Variants in ABTB3 observed in about 807,000 individuals in gnomAD.
ABTB3 encodes the protein ankyrin repeat and BTB domain containing 3, also known as ankyrin repeat- and BTB/POZ domain-containing protein 3.
At chr12:107,643,407 A>T in the ABTB3 span, among the ~76,000 whole-genome samples, 2 of 55,942 alleles carry the variant, frequency 3.6e-5, no homozygotes, top group Non-Finnish European at 8.6e-5. Context: ...TATCTCAAAA[A>T]AAAAAAAAAA....
chr12:107,349,812 A>T, the ABTB3 span, among the ~76,000 whole-genome samples: 1 of 152,240 alleles, frequency 6.6e-6, no homozygotes, highest in Non-Finnish European at 1.5e-5. Context: ...GGATTAATTT[A>T]AAAAATGCCT....
chr12:107,515,268 T>A, the ABTB3 span, among the ~76,000 whole-genome samples: 137 of 152,296 alleles, frequency 9.0e-4, 1 homozygote, highest in African/African-American at 3.1e-3. Flanking sequence ...TCTGGGTTGT[T>A]GACTTGCTGC....
chr12:107,618,291 A>G, the ABTB3 span: 1 of 1,613,874 alleles, frequency 6.2e-7, no homozygotes, highest in African/African-American at 1.3e-5. Flanking sequence ...CCGCAACAGC[A>G]AGGCCAAACT....
chr12:107,632,986 C>CT, the ABTB3 span, among the ~76,000 whole-genome samples: 1 of 152,238 alleles, frequency 6.6e-6, no homozygotes, highest in African/African-American at 2.4e-5. Flanking sequence ...GTTCTCCCCC[C>CT]TCCCGTCTGA....
chr12:107,650,303 C>T, the ABTB3 span: 1 of 152,196 alleles, frequency 6.6e-6, no homozygotes, highest in Non-Finnish European at 1.5e-5. Flanking sequence ...TGCTAAGGTG[C>T]TTAGAACAGT....
the ABTB3 span, among the ~76,000 whole-genome samples, chr12:107,639,268 G>A: frequency 6.6e-6 from 1 of 152,226 alleles, no homozygotes; most frequent in African/African-American, 2.4e-5. Flanking sequence ...GTGGAGCCCA[G>A]TCACAAGTGG....
the ABTB3 span, among the ~76,000 whole-genome samples, chr12:107,545,960 G>A: frequency 1.2e-4 from 18 of 152,122 alleles, no homozygotes; most frequent in Non-Finnish European, 1.5e-5. Context: ...AGCTAGACAC[G>A]GCCTCCTCTG....
the ABTB3 span, among the ~76,000 whole-genome samples, chr12:107,323,591 A>G: frequency 1.3e-5 from 2 of 152,152 alleles, no homozygotes; most frequent in African/African-American, 4.8e-5. Flanking sequence ...GGAGTTTTAA[A>G]AATTTGACTT....
At chr12:107,414,879 G>A in the ABTB3 span, among the ~76,000 whole-genome samples, 3,430 of 151,860 alleles carry the variant, frequency 0.023, 139 homozygotes, top group African/African-American at 0.077. Flanking sequence ...CACCATGCCT[G>A]ATTTTTGTAT....
the ABTB3 span, among the ~76,000 whole-genome samples, chr12:107,394,627 T>C: frequency 6.6e-6 from 1 of 152,254 alleles, no homozygotes; most frequent in Non-Finnish European, 1.5e-5. Flanking sequence ...TAACAGTTAC[T>C]AGCTGTGTTA....
the ABTB3 span, among the ~76,000 whole-genome samples, chr12:107,637,562 A>C: frequency 6.6e-6 from 1 of 152,226 alleles, no homozygotes; most frequent in African/African-American, 2.4e-5. Context: ...TACAGCAGGT[A>C]CATTTTGTGT....
chr12:107,456,162 C>G, the ABTB3 span, among the ~76,000 whole-genome samples: 3 of 152,232 alleles, frequency 2.0e-5, no homozygotes, highest in Non-Finnish European at 4.4e-5. Context: ...TTAATCCTGA[C>G]AGCTTACCCG....
At chr12:107,476,812 AGTGTGTGTGT>A in the ABTB3 span, among the ~76,000 whole-genome samples, 1 of 148,618 alleles carries the variant, frequency 6.7e-6, no homozygotes, top group East Asian at 2.0e-4. Flanking sequence ...GAATGCATGA[AGTGTGTGTGT>A]GTGTGTGTGT....
chr12:107,462,475 G>T, the ABTB3 span, among the ~76,000 whole-genome samples: 1 of 152,206 alleles, frequency 6.6e-6, no homozygotes. Context: ...AATGGTGATG[G>T]TGATGATGGT....
At chr12:107,477,848 T>C in the ABTB3 span, among the ~76,000 whole-genome samples, 7 of 152,296 alleles carry the variant, frequency 4.6e-5, no homozygotes, top group African/African-American at 1.4e-4. Flanking sequence ...TGGTGAACTA[T>C]AAACAGGACT....
the ABTB3 span, chr12:107,649,089 C>T: frequency 2.3e-6 from 2 of 859,032 alleles, no homozygotes; most frequent in East Asian, 2.6e-5. Context: ...AATGGGCAAC[C>T]ATTTGGAATG....
the ABTB3 span, chr12:107,635,102 C>G: frequency 6.1e-6 from 3 of 494,346 alleles, no homozygotes; most frequent in Admixed American, 7.4e-5. Context: ...GTGGACAAAA[C>G]AGAGCAAGTA....
the ABTB3 span, among the ~76,000 whole-genome samples, chr12:107,452,816 G>A: frequency 4.6e-5 from 7 of 152,246 alleles, no homozygotes; most frequent in Non-Finnish European, 7.3e-5. Flanking sequence ...ACTCCAGCCT[G>A]GGCAACAAGA....
the ABTB3 span, among the ~76,000 whole-genome samples, chr12:107,635,866 C>A: frequency 9.8e-6 from 1 of 102,206 alleles, no homozygotes; most frequent in Admixed American, 9.6e-5. Flanking sequence ...CCCCCCCCAC[C>A]CACCCACACA....
Sources: allele counts gnomAD v4.1 joint callset (sites outside exome capture counted in the v4.1 genomes callset), GRCh38; gene constraint gnomAD v4.1.1; transcripts MANE v1.5; gene names NCBI Gene and HGNC (gene_info 2026-07-23, HGNC 2026-07-21).